Variants in FAM81A observed in about 807,000 individuals in gnomAD.
FAM81A encodes the protein family with sequence similarity 81 member A, also known as protein FAM81A.
Under a neutral mutation model 46.7 loss-of-function variants are expected in FAM81A, and 19 were observed. That is an observed-to-expected ratio of 0.41 (90% CI 0.28 to 0.60). The LOEUF (loss-of-function observed/expected upper bound fraction) is 0.60. Among genes scored for constraint, FAM81A ranks in the 20% least tolerant of loss-of-function variants. The probability of loss-of-function intolerance (pLI) is 0.34; values close to 1 mark genes in which losing one functional copy is unlikely to be tolerated. For synonymous variants in FAM81A, 183 were observed against 152.9 expected (o/e 1.20, Z -1.45); for missense variants, 377 against 453.5 (o/e 0.83, Z 1.53).
At chr15:59,425,561 ATACTC>A (rs772184910) in intron 2 of FAM81A, among the ~76,000 whole-genome samples, 15 of 152,218 alleles carry the variant, frequency 9.9e-5, no homozygotes, top group Admixed American at 3.3e-4. Flanking sequence ...CTTTAAATGA[ATACTC>A]TATCTGGAAA....
chr15:59,500,561 C>T (rs1003649213), intron 4 of FAM81A, among the ~76,000 whole-genome samples: 3 of 152,086 alleles, frequency 2.0e-5, no homozygotes, highest in South Asian at 2.1e-4. Flanking sequence ...CTCAGCCTCC[C>T]GAGTTGCTGG....
chr15:59,422,017 G>T (rs1348090641), intron 2 of FAM81A, among the ~76,000 whole-genome samples: 1 of 151,930 alleles, frequency 6.6e-6, no homozygotes, highest in African/African-American at 2.4e-5. Flanking sequence ...ACAAAATAAG[G>T]TACATAACAG....
chr15:59,468,345 T>C (rs2081641627), intron 3 of FAM81A, among the ~76,000 whole-genome samples: 1 of 152,220 alleles, frequency 6.6e-6, no homozygotes. Flanking sequence ...TCCTGGACTT[T>C]TTTTGACTGG....
intron 3 of FAM81A, among the ~76,000 whole-genome samples, chr15:59,489,170 C>T (rs923961094): frequency 3.9e-5 from 6 of 151,912 alleles, no homozygotes; most frequent in African/African-American, 1.5e-4. Flanking sequence ...GAGGCTGAGG[C>T]AGGAGAATGG....
chr15:59,422,785 A>C (rs1406957589), intron 2 of FAM81A, among the ~76,000 whole-genome samples: 1 of 152,148 alleles, frequency 6.6e-6, no homozygotes, highest in African/African-American at 2.4e-5. Context: ...ACCTCTATCT[A>C]GTTTCAAAGC....
chr15:59,410,024 G>A (rs930685726), intron 2 of FAM81A, among the ~76,000 whole-genome samples: 2 of 152,018 alleles, frequency 1.3e-5, no homozygotes, highest in African/African-American at 4.8e-5. Flanking sequence ...AGTGCAGGCC[G>A]GGCATTGTGG....
intron 1 of FAM81A, among the ~76,000 whole-genome samples, chr15:59,442,785 G>A (rs1213329851): frequency 2.6e-5 from 4 of 151,998 alleles, no homozygotes; most frequent in East Asian, 1.9e-4. Flanking sequence ...CTGTGTGTCT[G>A]TGTATCTGTG....
intron 2 of FAM81A, among the ~76,000 whole-genome samples, chr15:59,416,777 G>A (rs1211484663): frequency 2.0e-5 from 3 of 152,132 alleles, no homozygotes; most frequent in African/African-American, 4.8e-5. Context: ...TCCCATACCT[G>A]TCATGCTTAG....
intron 2 of FAM81A, among the ~76,000 whole-genome samples, chr15:59,403,759 T>C (rs988513133): frequency 4.1e-5 from 5 of 121,024 alleles, no homozygotes; most frequent in Admixed American, 2.7e-4. Context: ...AGGGAGGTAA[T>C]TGATTTCTTT....
chr15:59,482,531 A>C (rs978357975), intron 3 of FAM81A, among the ~76,000 whole-genome samples: 3 of 152,160 alleles, frequency 2.0e-5, no homozygotes, highest in Non-Finnish European at 4.4e-5. Flanking sequence ...GACCTCCCAA[A>C]GTGCTGGGAT....
intron 3 of FAM81A, among the ~76,000 whole-genome samples, chr15:59,490,259 C>A (rs2081967271): frequency 6.6e-6 from 1 of 151,896 alleles, no homozygotes; most frequent in Non-Finnish European, 1.5e-5. Context: ...CAAAAATGGA[C>A]AAATGGGATC....
At chr15:59,464,208 A>G (rs998478787) in intron 3 of FAM81A, among the ~76,000 whole-genome samples, 3 of 152,160 alleles carry the variant, frequency 2.0e-5, no homozygotes, top group Admixed American at 1.3e-4. Flanking sequence ...GTCTTTATCC[A>G]TTCATCCATT....
intron 4 of FAM81A, among the ~76,000 whole-genome samples, chr15:59,501,019 TG>T (rs1164359939): frequency 2.2e-4 from 34 of 152,336 alleles, no homozygotes; most frequent in Middle Eastern, 3.4e-3. Context: ...TACAGGCAGT[TG>T]GTTTACCTGT....
chr15:59,419,644 C>T (rs912622989), intron 2 of FAM81A, among the ~76,000 whole-genome samples: 1 of 152,080 alleles, frequency 6.6e-6, no homozygotes, highest in Admixed American at 6.5e-5. Flanking sequence ...GAGGCCGAGG[C>T]GGGCAGATTG....
intron 2 of FAM81A, among the ~76,000 whole-genome samples, chr15:59,418,012 A>G (rs1239119664): frequency 2.0e-5 from 3 of 152,178 alleles, no homozygotes; most frequent in East Asian, 1.9e-4. Context: ...GTGAGTGAGA[A>G]CAAGTGGTGT....
At chr15:59,509,034 A>T in intron 6 of FAM81A, 65 bp downstream of exon 6, 1 of 1,237,044 alleles carries the variant, frequency 8.1e-7, no homozygotes. Flanking sequence ...CAATACTATG[A>T]TTTTTTTCCT....
chr15:59,451,928 C>G (rs1441250127), intron 1 of FAM81A, among the ~76,000 whole-genome samples: 2 of 152,214 alleles, frequency 1.3e-5, no homozygotes, highest in Non-Finnish European at 2.9e-5. Context: ...ACCCAGCAAA[C>G]ATTTACTGAT....
At chr15:59,500,637 G>C (rs1196290576) in intron 4 of FAM81A, among the ~76,000 whole-genome samples, 1 of 151,676 alleles carries the variant, frequency 6.6e-6, no homozygotes, top group South Asian at 2.1e-4. Flanking sequence ...GCATATGTTG[G>C]TGCATTTACT....
Position 59,511,019 on chromosome 15 carries a change from C to A in FAM81A, c.650+2050C>A, listed in dbSNP as rs558390193. ...GAAAGTAGCTGGAAATCACCTGAAC[C>A]CAGGAGGTGGAGGTTGCAATGAGCC... On this transcript the variant is annotated intron_variant, in intron 6 of 8. Transcript: ENST00000288228. Among the ~76,000 whole-genome samples the A allele has an allele frequency of 2.0e-4, 30 of 151,858 alleles. No homozygotes were observed. In the South Asian group the frequency reaches 6.2e-3, roughly 32 times the overall value.
Sources: allele counts gnomAD v4.1 joint callset (sites outside exome capture counted in the v4.1 genomes callset), GRCh38; gene constraint gnomAD v4.1.1; transcripts MANE v1.5; gene names NCBI Gene and HGNC (gene_info 2026-07-23, HGNC 2026-07-21).